The following PDE9A variants were observed in gnomAD, a reference collection of about 807,000 sequenced individuals.
PDE9A encodes phosphodiesterase 9A.
A neutral mutation model predicts 87.4 loss-of-function variants in PDE9A; 60 were observed. The observed-to-expected ratio is 0.69, with a 90% CI of 0.56 to 0.85. The LOEUF (loss-of-function observed/expected upper bound fraction) is 0.85, where lower values mean the gene tolerates loss of function less well. Among genes scored for constraint, PDE9A ranks in the 40% least tolerant of loss-of-function variants. PDE9A has a pLI of 0.00. For missense variants in PDE9A, 665 were observed against 779.0 expected (o/e 0.85, Z 1.74); for synonymous variants, 272 against 279.4 (o/e 0.97, Z 0.27).
At chr21:42,769,731 CAG>C (rs1177123164) in intron 17 of PDE9A, among the ~76,000 whole-genome samples, 8 of 60,302 alleles carry the variant, frequency 1.3e-4, no homozygotes, top group African/African-American at 9.2e-4. Flanking sequence ...CACACACGTA[CAG>C]AGGCACACAC....
chr21:42,747,702 C>T (rs1053608771), intron 8 of PDE9A, among the ~76,000 whole-genome samples: 10 of 152,200 alleles, frequency 6.6e-5, no homozygotes, highest in African/African-American at 2.4e-4. Context: ...CCAGGGGCCA[C>T]GGCCACTCTG....
At chr21:42,670,080 TAC>T (rs142466484) in intron 1 of PDE9A, among the ~76,000 whole-genome samples, 6 of 151,698 alleles carry the variant, frequency 4.0e-5, no homozygotes, top group South Asian at 2.1e-4. Flanking sequence ...CTCACATACT[TAC>T]ACACATTCTC....
chr21:42,699,097 G>A (rs1052574294), intron 4 of PDE9A, 86 bp downstream of exon 4: 4 of 843,200 alleles, frequency 4.7e-6, no homozygotes, highest in African/African-American at 3.4e-5. Context: ...TACTAGTTAA[G>A]CATTTGAATC....
intron 4 of PDE9A, among the ~76,000 whole-genome samples, chr21:42,721,774 T>G (rs1326821088): frequency 6.6e-6 from 1 of 151,620 alleles, no homozygotes; most frequent in Non-Finnish European, 1.5e-5. Context: ...CAGCCCTTCC[T>G]CCAAAGAGCC....
chr21:42,667,598 T>C (rs1414975773), intron 1 of PDE9A, among the ~76,000 whole-genome samples: 2 of 152,162 alleles, frequency 1.3e-5, no homozygotes, highest in African/African-American at 4.8e-5. Context: ...TCAGATGGTC[T>C]TGGACTGTCT....
intron 19 of PDE9A, 87 bp downstream of exon 19, chr21:42,772,607 G>T: frequency 2.3e-6 from 2 of 888,028 alleles, no homozygotes; most frequent in Non-Finnish European, 3.5e-6. Context: ...GAGAAAATCT[G>T]AATTTTGGAA....
At chr21:42,719,450 C>T (rs1292715962) in intron 4 of PDE9A, among the ~76,000 whole-genome samples, 5 of 151,466 alleles carry the variant, frequency 3.3e-5, no homozygotes, top group Non-Finnish European at 7.4e-5. Context: ...GCCTGGCCAA[C>T]ATGGTGAAAT....
At chr21:42,683,982 C>A (rs2059309834) in intron 1 of PDE9A, among the ~76,000 whole-genome samples, 1 of 152,278 alleles carries the variant, frequency 6.6e-6, no homozygotes, top group South Asian at 2.1e-4. Context: ...ACCACAGGGC[C>A]CCCCGCCTTC....
At position 42,775,301 on chromosome 21, in the gene PDE9A, G is replaced by A. The variant is rs370463334; in HGVS notation, c.*8G>A. The A allele has an allele frequency of 1.1e-4, 176 of 1,609,302 alleles. No individual in the cohort carries two copies. The highest frequency in any genetic ancestry group is 9.5e-4 in the African/African-American group (71 of 74,720). On this transcript the variant is annotated 3_prime_UTR_variant, in exon 20 of 20. Coordinates refer to ENST00000291539, the MANE Select transcript of PDE9A (RefSeq NM_002606.3). Reference sequence around the variant, plus strand: ...CCAGGAGACTGTGCCTGAGGAAAGCGGGGGGCGTGGCTGCAGTTCTGGACG... The same window carrying A: ...CCAGGAGACTGTGCCTGAGGAAAGCAGGGGGCGTGGCTGCAGTTCTGGACG...
rs779225093 is a variant in PDE9A, at chr21:42,775,327, G to A, written c.*34G>A. 6.2e-7 allele frequency: 1 copy of A among 1,605,010 alleles called. No homozygotes were observed. The highest frequency in any genetic ancestry group is 1.7e-5 in the Admixed American group (1 of 58,910). ...GGGGGCGTGGCTGCAGTTCTGGACG[G>A]GCTGGCCGAGCTGCGCGGGATCCTT... On this transcript the variant is annotated 3_prime_UTR_variant, in exon 20 of 20. Coordinates refer to ENST00000291539, the MANE Select transcript of PDE9A (RefSeq NM_002606.3).
chr21:42,714,163 C>G (rs776142778), intron 4 of PDE9A, among the ~76,000 whole-genome samples: 1 of 151,802 alleles, frequency 6.6e-6, no homozygotes, highest in South Asian at 2.1e-4. Context: ...GGACTACAGG[C>G]GCCCACCACC....
intron 1 of PDE9A, among the ~76,000 whole-genome samples, chr21:42,663,788 C>T (rs9977557): frequency 0.022 from 3,348 of 152,292 alleles, 141 homozygotes; most frequent in African/African-American, 0.076. Flanking sequence ...GCATGCCAGG[C>T]CCCATCCTAT....
At chr21:42,678,509 G>A (rs2058978289) in intron 1 of PDE9A, among the ~76,000 whole-genome samples, 1 of 152,220 alleles carries the variant, frequency 6.6e-6, no homozygotes, top group African/African-American at 2.4e-5. Context: ...CCAGTTCTGG[G>A]TAACCATCTT....
At position 42,704,307 on chromosome 21, in the gene PDE9A, G is replaced by T. The variant is rs973665379; in HGVS notation, c.262+5296G>T. On this transcript the variant is annotated intron_variant, in intron 4 of 19. Transcript: ENST00000291539. The surrounding 1 kb of genome is among the most constrained non-coding windows in gnomAD (Gnocchi z 5.3). The stretch of plus-strand genomic sequence containing the variant: ...CCCACATCTCCATAGTCACATCCTG[G>T]CTGGGCTAACACCACCTTTCCCCGC... Among the ~76,000 whole-genome samples the T allele has an allele frequency of 2.0e-5, 3 of 152,042 alleles. No individual in the cohort carries two copies. The highest frequency in any genetic ancestry group is 2.9e-5 in the Non-Finnish European group (2 of 68,018).
At chr21:42,716,673 C>T (rs1416651823) in intron 4 of PDE9A, among the ~76,000 whole-genome samples, 1 of 150,026 alleles carries the variant, frequency 6.7e-6, no homozygotes, top group Non-Finnish European at 1.5e-5. Context: ...CCTCTCCCAC[C>T]ACCTTTGAGT....
At chr21:42,671,231 G>A (rs1009101753) in intron 1 of PDE9A, among the ~76,000 whole-genome samples, 7 of 152,122 alleles carry the variant, frequency 4.6e-5, no homozygotes, top group Non-Finnish European at 8.8e-5. Context: ...GGTGTGCAGC[G>A]GAGGCTTCAT....
At chr21:42,677,364 T>G (rs1368908128) in intron 1 of PDE9A, among the ~76,000 whole-genome samples, 1 of 152,226 alleles carries the variant, frequency 6.6e-6, no homozygotes, top group Non-Finnish European at 1.5e-5. Flanking sequence ...GACATAGATA[T>G]GTTTTTTAAT....
Position 42,684,598 on chromosome 21 carries a change from A to G in PDE9A, c.70-1594A>G, listed in dbSNP as rs1602035485. Among the ~76,000 whole-genome samples the G allele has an allele frequency of 2.6e-5, 4 of 152,354 alleles. No individual in the cohort carries two copies. The South Asian group carries it at 8.3e-4, about 32-fold the overall frequency. On this transcript the variant is annotated intron_variant, in intron 1 of 19. Coordinates refer to ENST00000291539, the MANE Select transcript of PDE9A (RefSeq NM_002606.3). The stretch of plus-strand genomic sequence containing the variant: ...AACCAGGACACAGGAGGAGAAGCAC[A>G]TCTCAGAGGAGGGAGCTCTGGGAGG...
intron 17 of PDE9A, 119 bp downstream of exon 17, chr21:42,769,274 CACGT>C (rs901234403): frequency 1.1e-4 from 99 of 928,250 alleles, no homozygotes; most frequent in Admixed American, 2.6e-4. Flanking sequence ...CTCATGCACA[CACGT>C]ACACAGATAC....
Sources: gnomAD v4.1 joint callset for allele counts (sites outside exome capture counted in the v4.1 genomes callset) on GRCh38, gnomAD v4.1.1 for gene constraint, Gnocchi (gnomAD v3.1) non-coding constraint, MANE v1.5 for transcripts, NCBI Gene and HGNC (gene_info 2026-07-23, HGNC 2026-07-21) for gene names.